Variants in IRAK2 observed in about 807,000 individuals in gnomAD.
IRAK2 encodes interleukin-1 receptor-associated kinase-like 2.
IRAK2 carries 57 observed loss-of-function variants against 72.0 expected under a neutral mutation model. The observed-to-expected ratio is 0.79, with a 90% CI of 0.64 to 0.99. The LOEUF (loss-of-function observed/expected upper bound fraction) is 0.99, where lower values mean the gene tolerates loss of function less well. Ranked by LOEUF, IRAK2 falls within the 50% of genes least tolerant of loss-of-function variation. The pLI is 0.00. For synonymous variants in IRAK2, 293 were observed against 312.7 expected (o/e 0.94, Z 0.67); for missense variants, 790 against 794.4 (o/e 0.99, Z 0.07).
Position 10,222,669 on chromosome 3 carries a change from C to G in IRAK2, c.1047C>G (p.Pro349=), listed in dbSNP as rs370626070. ...TCTTGCTGGACCAAAATCTCACCCC[C>G]AAACTTGCTCACCCAATGGCTCATC... ...SNVLLDQNLT[P]KLAHPMAHLC... The change falls in exon 9 of 13, where the codon CCC becomes CCG. Residue 349 remains proline (P), a synonymous_variant. Coordinates refer to ENST00000256458, the MANE Select transcript of IRAK2 (RefSeq NM_001570.4). The G allele has an allele frequency of 1.2e-6, 2 of 1,614,160 alleles. No homozygotes were observed. Among genetic ancestry groups the G allele is most frequent in the East Asian group, 2.2e-5 (1 of 44,888 alleles).
At chr3:10,168,573 G>A (rs1696741668) in intron 1 of IRAK2, among the ~76,000 whole-genome samples, 1 of 152,198 alleles carries the variant, frequency 6.6e-6, no homozygotes, top group Admixed American at 6.6e-5. Context: ...ACTGTGGTTT[G>A]ATTTGCATTT....
intron 1 of IRAK2, among the ~76,000 whole-genome samples, chr3:10,171,388 C>T (rs1696792482): frequency 1.3e-5 from 2 of 152,074 alleles, no homozygotes; most frequent in South Asian, 2.1e-4. Flanking sequence ...GGAGACTCAG[C>T]TTATTGTAAA....
rs576891258 is a variant in IRAK2, at chr3:10,165,770, G to A, written c.94+722G>A. Among the ~76,000 whole-genome samples, 41 of 123,446 alleles carry A rather than the reference G, an allele frequency of 3.3e-4. No individual in the cohort carries two copies. In the East Asian group the frequency reaches 3.7e-3, roughly 11 times the overall value. 81.0% of individuals were successfully genotyped at this position (123,446 alleles called of 152,430 possible). On this transcript the variant is annotated intron_variant, in intron 1 of 12. Transcript: ENST00000256458. ...TTTTAAGACGGAGTCTCACTCTGTC[G>A]CCCAGGCTGGAGTGCAGTGGCGCGA... is the stretch of plus-strand genomic sequence containing the variant.
chr3:10,222,044 C>T (rs557924210), intron 8 of IRAK2, among the ~76,000 whole-genome samples: 2 of 152,162 alleles, frequency 1.3e-5, no homozygotes, highest in South Asian at 4.2e-4. Context: ...CACACCACCA[C>T]GGCTGGTTAA....
At chr3:10,226,343 A>G in intron 9 of IRAK2, 28 bp from the exon 10 acceptor site, 2 of 1,602,362 alleles carry the variant, frequency 1.2e-6, no homozygotes, top group Non-Finnish European at 1.7e-6. Flanking sequence ...CGTCTGAACC[A>G]TGCTAACTCA....
At chr3:10,204,466 C>CT (rs1300334481) in intron 3 of IRAK2, among the ~76,000 whole-genome samples, 7 of 152,128 alleles carry the variant, frequency 4.6e-5, no homozygotes, top group African/African-American at 1.7e-4. Flanking sequence ...GTGCATTTTG[C>CT]TTGAGAAAGC....
chr3:10,168,996 G>T (rs1055215025), intron 1 of IRAK2, among the ~76,000 whole-genome samples: 4 of 152,126 alleles, frequency 2.6e-5, no homozygotes, highest in African/African-American at 9.7e-5. Context: ...GTGTCGGCCG[G>T]TCTGAGAAAT....
At chr3:10,227,738 G>A (rs1697802353) in intron 10 of IRAK2, among the ~76,000 whole-genome samples, 1 of 150,256 alleles carries the variant, frequency 6.7e-6, no homozygotes, top group African/African-American at 2.5e-5. Context: ...GTGCAATCTC[G>A]GCTCACTACA....
At chr3:10,201,804 A>G (rs555521556) in intron 3 of IRAK2, among the ~76,000 whole-genome samples, 33 of 152,260 alleles carry the variant, frequency 2.2e-4, no homozygotes, top group Admixed American at 1.8e-3. Flanking sequence ...CCCCAAATCC[A>G]TGTAATCTCA....
At chr3:10,190,750 A>G (rs1697162481) in intron 2 of IRAK2, among the ~76,000 whole-genome samples, 1 of 152,212 alleles carries the variant, frequency 6.6e-6, no homozygotes, top group Non-Finnish European at 1.5e-5. Flanking sequence ...TGCATTAGCC[A>G]GGATAGGCTT....
chr3:10,202,689 CT>C (rs374939802), intron 3 of IRAK2, among the ~76,000 whole-genome samples: 29,593 of 97,364 alleles, frequency 0.3, 3,305 homozygotes, highest in Admixed American at 0.38. Context: ...ACTTTCTTTC[CT>C]TTTTTTTTTT....
Position 10,219,718 on chromosome 3 carries a change from C to T in IRAK2, c.942C>T (p.Ser314=). The T allele has an allele frequency of 6.2e-7, 1 of 1,613,668 alleles. No homozygotes were observed. Among genetic ancestry groups the T allele is most frequent in the East Asian group, 2.2e-5 (1 of 44,850 alleles). Reference sequence around the variant, plus strand: ...CCCTCCCCTGGCCCCAGCGTGTCAGCATCTGCTCAGGGCTGCTCTGTGCCG... The same window carrying T: ...CCCTCCCCTGGCCCCAGCGTGTCAGTATCTGCTCAGGGCTGCTCTGTGCCG... The part of the protein sequence containing the change: ...SDPLPWPQRV[S]ICSGLLCAVE... Residue 314 remains serine (S), a synonymous_variant, in exon 8 of 13, where the codon AGC becomes AGT. Transcript: ENST00000256458.
chr3:10,217,037 C>T lies in IRAK2; in HGVS notation c.892C>T (p.Leu298=), dbSNP rs372326640. 67 of 1,611,558 alleles carry T rather than the reference C, an allele frequency of 4.2e-5. No homozygotes were observed. Among genetic ancestry groups the T allele is most frequent in the Non-Finnish European group, 5.4e-5 (64 of 1,177,758 alleles). Residue 298 remains leucine, a synonymous_variant, in exon 7 of 13, where the codon CTG becomes TTG. Transcript: ENST00000256458. ...YMANGSLQDR[L]QGQGGSDPLP... The stretch of plus-strand genomic sequence containing the variant: ...GGCAAATGGTTCCCTACAGGACAGA[C>T]TGCAGGGTCAGGTAAGGGACTGGGT...
intron 2 of IRAK2, among the ~76,000 whole-genome samples, chr3:10,191,438 A>G (rs1218325434): frequency 1.3e-5 from 2 of 152,168 alleles, no homozygotes; most frequent in East Asian, 3.8e-4. Flanking sequence ...CGCTTACAGT[A>G]AGGTTCTGCC....
chr3:10,184,877 C>T (rs557181333), intron 2 of IRAK2, among the ~76,000 whole-genome samples: 1 of 149,840 alleles, frequency 6.7e-6, no homozygotes, highest in East Asian at 2.0e-4. Flanking sequence ...CTACAGGCGC[C>T]CGCCACCATG....
At chr3:10,175,454 C>A (rs1039794216) in intron 1 of IRAK2, among the ~76,000 whole-genome samples, 8 of 152,022 alleles carry the variant, frequency 5.3e-5, no homozygotes, top group African/African-American at 7.2e-5. Context: ...ATAAATAAGA[C>A]CAGGATGCAG....
chr3:10,172,565 C>T (rs1241000881), intron 1 of IRAK2, among the ~76,000 whole-genome samples: 19 of 122,980 alleles, frequency 1.5e-4, no homozygotes, highest in African/African-American at 3.3e-4. Flanking sequence ...AAAGGCCGGG[C>T]GCGGTGGCTC....
intron 11 of IRAK2, among the ~76,000 whole-genome samples, chr3:10,237,493 T>C (rs1295000880): frequency 6.6e-6 from 1 of 152,132 alleles, no homozygotes; most frequent in Non-Finnish European, 1.5e-5. Context: ...TTTATAAAAA[T>C]TCATGCATTG....
In IRAK2 at chr3:10,238,998, C is replaced by T. The variant is rs376034255; in HGVS notation, c.1724C>T (p.Ser575Phe). The stretch of plus-strand genomic sequence containing the variant: ...GTCATCGTGGGAAGGGAGGCTGACT[C>T]CTCCTCTGAGGCCTGTGTTGGCCTG... ...LRVIVGREADSSSEACVGLEP... is the reference protein window; with the variant it reads ...LRVIVGREADFSSEACVGLEP... The change falls in exon 12 of 13, where the codon TCC becomes TTC. Residue 575 changes from serine (S) to phenylalanine (F), a missense_variant. By Grantham distance (155) the Ser-to-Phe change is radical. Coordinates refer to ENST00000256458, the MANE Select transcript of IRAK2 (RefSeq NM_001570.4). The T allele has an allele frequency of 1.5e-5, 25 of 1,613,094 alleles. No individual in the cohort carries two copies. In the African/African-American group the frequency reaches 2.8e-4, roughly 18 times the overall value.
Sources: allele counts gnomAD v4.1 joint callset (sites outside exome capture counted in the v4.1 genomes callset), GRCh38; gene constraint gnomAD v4.1.1; transcripts MANE v1.5; gene names NCBI Gene and HGNC (gene_info 2026-07-23, HGNC 2026-07-21).